TMEM184B: variants seen among roughly 807,000 people sequenced by gnomAD.
TMEM184B encodes putative MAPK-activating protein FM08.
TMEM184B carries 17 observed loss-of-function variants against 41.8 expected under a neutral mutation model. The ratio of observed to expected loss-of-function variants is 0.41; its 90% CI spans 0.28 to 0.61. TMEM184B has a LOEUF of 0.61. Among genes scored for constraint, TMEM184B ranks in the 20% least tolerant of loss-of-function variants. The pLI, the probability that TMEM184B is intolerant of heterozygous loss-of-function variation, is 0.34. For missense variants in TMEM184B, 393 were observed against 557.8 expected (o/e 0.70, Z 2.98); for synonymous variants, 240 against 229.5 (o/e 1.05, Z -0.41).
chr22:38,243,349 C>T (rs1206134175), intron 3 of TMEM184B, among the ~76,000 whole-genome samples: 1 of 152,162 alleles, frequency 6.6e-6, no homozygotes, highest in Non-Finnish European at 1.5e-5. Context: ...CTGTGTGCCC[C>T]GCCTTCTGCC....
At chr22:38,234,072 G>A (rs948988048) in intron 3 of TMEM184B, among the ~76,000 whole-genome samples, 4 of 29,434 alleles carry the variant, frequency 1.4e-4, no homozygotes, top group African/African-American at 4.7e-4. Context: ...CCCGGCCGAC[G>A]GTTGCATTTT....
rs1196899689 is a variant in TMEM184B, at chr22:38,239,783, C to A, written c.358+6152G>T. On this transcript the variant is annotated intron_variant, in intron 3 of 8. Coordinates refer to ENST00000361906, the MANE Select transcript of TMEM184B (RefSeq NM_012264.5). The surrounding 1 kb of genome is among the most constrained non-coding windows in gnomAD (Gnocchi z 4.6). ...TCTCTGCCACGCTGTACCAGTCACT[C>A]AGCCTGTGCAGTGTTTTGAGGCAGG... 2.0e-5 allele frequency among the ~76,000 whole-genome samples: 3 copies of A among 152,184 alleles called. No individual in the cohort carries two copies. The highest frequency in any genetic ancestry group is 4.4e-5 in the Non-Finnish European group (3 of 68,042).
At chr22:38,250,544 C>T (rs1056486632) in intron 1 of TMEM184B, among the ~76,000 whole-genome samples, 3 of 152,204 alleles carry the variant, frequency 2.0e-5, no homozygotes, top group African/African-American at 7.2e-5. Flanking sequence ...AACTGAAAAC[C>T]AGTGCCAGAA....
At chr22:38,249,153 GATT>G (rs746271913) in intron 1 of TMEM184B, among the ~76,000 whole-genome samples, 62 of 152,244 alleles carry the variant, frequency 4.1e-4, no homozygotes, top group Non-Finnish European at 2.4e-4. Context: ...TACTTAACTT[GATT>G]ATTATTATTT....
At chr22:38,245,814 TAAAGCAGCAAGGGG>T in intron 3 of TMEM184B, 107 bp downstream of exon 3, 1 of 1,052,048 alleles carries the variant, frequency 9.5e-7, no homozygotes, top group South Asian at 1.5e-5. Context: ...CTGTAGTAGG[TAAAGCAGCAAGGGG>T]TGTGTCAAGA....
Position 38,226,141 on chromosome 22 carries a change from G to A in TMEM184B, c.618-548C>T, listed in dbSNP as rs1055451485. On this transcript the variant is annotated intron_variant, in intron 6 of 8. Transcript: ENST00000361906. The surrounding 1 kb of genome is among the most constrained non-coding windows in gnomAD (Gnocchi z 4.6). Reference sequence around the variant, plus strand: ...GTCACCCAGGCTAGAGTGCAATGGCGTGATCTTGGCTCACCGCAACCTCTG... The same window carrying A: ...GTCACCCAGGCTAGAGTGCAATGGCATGATCTTGGCTCACCGCAACCTCTG... 8.0e-5 allele frequency among the ~76,000 whole-genome samples: 12 copies of A among 150,712 alleles called. No individual in the cohort carries two copies. The highest frequency in any genetic ancestry group is 2.4e-4 in the African/African-American group (10 of 40,822).
chr22:38,265,857 G>A (rs559537046), intron 1 of TMEM184B, among the ~76,000 whole-genome samples: 4 of 152,290 alleles, frequency 2.6e-5, no homozygotes, highest in South Asian at 4.1e-4. Flanking sequence ...TAGCTACAGC[G>A]GCGCCATGGG....
intron 1 of TMEM184B, among the ~76,000 whole-genome samples, chr22:38,259,585 G>A (rs576535875): frequency 2.6e-5 from 4 of 152,232 alleles, no homozygotes; most frequent in African/African-American, 9.6e-5. Flanking sequence ...CACAGATGGA[G>A]GTGGTCTCTA....
In TMEM184B at chr22:38,220,563, C is replaced by CA; in HGVS notation, c.*905dup. On this transcript the variant is annotated 3_prime_UTR_variant, in exon 9 of 9. Coordinates refer to ENST00000361906, the MANE Select transcript of TMEM184B (RefSeq NM_012264.5). ...GAAGCTGGTCTGAAACGTGGAGACT[C>CA]AGACCTTTCCCCTGAAACGGGAGGG... 1.0e-6 allele frequency: 1 copy of CA among 985,950 alleles called. No homozygotes were observed. The allele number at this position is 985,950 out of a possible 1,614,324, so 61.1% of individuals were successfully genotyped here.
rs2092132843 is a variant in TMEM184B at position 38,250,241 on chromosome 22, C to T, written c.-58-2222G>A. On this transcript the variant is annotated intron_variant, in intron 1 of 8. Transcript: ENST00000361906. Reference sequence around the variant, plus strand: ...TGCGCCCGCTGTCTGTCTGCACTGCCCGCCTGCACCCCGGCTCCTCGCCAA... The same window carrying T: ...TGCGCCCGCTGTCTGTCTGCACTGCTCGCCTGCACCCCGGCTCCTCGCCAA... Among the ~76,000 whole-genome samples, 8 of 152,366 alleles carry T rather than the reference C, an allele frequency of 5.3e-5. No homozygotes were observed. In the South Asian group the frequency reaches 1.7e-3, roughly 32 times the overall value.
chr22:38,235,364 C>A (rs2091747048), intron 3 of TMEM184B, among the ~76,000 whole-genome samples: 1 of 152,236 alleles, frequency 6.6e-6, no homozygotes, highest in Admixed American at 6.5e-5. Context: ...AGTCCTCTCC[C>A]AAGAAAGGCT....
At chr22:38,224,325 A>G (rs1282369289) in intron 8 of TMEM184B, among the ~76,000 whole-genome samples, 2 of 152,230 alleles carry the variant, frequency 1.3e-5, no homozygotes, top group African/African-American at 4.8e-5. Context: ...CGTGTTAGCC[A>G]GGATGGTCTC....
At chr22:38,246,726 A>G in intron 2 of TMEM184B, 1 of 1,084,308 alleles carries the variant, frequency 9.2e-7, no homozygotes, top group South Asian at 1.7e-5. Context: ...CCTCACCAGG[A>G]AGTTAGGAGA....
At chr22:38,251,708 T>C (rs965549745) in intron 1 of TMEM184B, among the ~76,000 whole-genome samples, 2 of 152,134 alleles carry the variant, frequency 1.3e-5, no homozygotes, top group African/African-American at 2.4e-5. Flanking sequence ...AAGCAGGACG[T>C]TCACCTGGCA....
chr22:38,219,064 G>A (rs1479782783), downstream of TMEM184B, among the ~76,000 whole-genome samples: 3 of 152,222 alleles, frequency 2.0e-5, no homozygotes, highest in Non-Finnish European at 4.4e-5. Flanking sequence ...GACCGCCTGC[G>A]GCCCGGCCGT....
chr22:38,226,907 A>G lies in TMEM184B; in HGVS notation c.526-37T>C. On this transcript the variant is annotated intron_variant, in intron 5 of 8. Transcript: ENST00000361906. This position sits in a 1 kb window ranked among gnomAD's most constrained non-coding sequence, Gnocchi z 4.6. The stretch of plus-strand genomic sequence containing the variant: ...AAAAGGAGGTTGAGTGTGGAGGAGG[A>G]GCACAGAAGGCATGAAGCAAGCCCT... The G allele has an allele frequency of 6.4e-7, 1 of 1,554,068 alleles. No individual in the cohort carries two copies. The highest frequency in any genetic ancestry group is 8.7e-7 in the Non-Finnish European group (1 of 1,146,856).
chr22:38,225,025 C>A lies in TMEM184B; in HGVS notation c.788-46G>T. On this transcript the variant is annotated intron_variant, in intron 7 of 8. Coordinates refer to ENST00000361906, the MANE Select transcript of TMEM184B (RefSeq NM_012264.5). This position sits in a 1 kb window ranked among gnomAD's most constrained non-coding sequence, Gnocchi z 4.4. Reference sequence around the variant, plus strand: ...GTCTGGACCCAGAATGATTCCTTTCCTGCTCCCCCTTCTTCCACAATGCCC... The same window carrying A: ...GTCTGGACCCAGAATGATTCCTTTCATGCTCCCCCTTCTTCCACAATGCCC... 6.7e-7 allele frequency: 1 copy of A among 1,490,222 alleles called. No individual in the cohort carries two copies. The allele number at this position is 1,490,222 out of a possible 1,614,324, so 92.3% of individuals were successfully genotyped here. A position where few individuals can be genotyped will look rare whatever the true frequency, so the allele number is the denominator to read the frequency against.
chr22:38,272,199 C>T (rs1278838081), intron 1 of TMEM184B, among the ~76,000 whole-genome samples: 1 of 152,216 alleles, frequency 6.6e-6, no homozygotes, highest in Non-Finnish European at 1.5e-5. Flanking sequence ...ACTGCCTTGC[C>T]TTGGCCTGGA....
At chr22:38,238,109 C>CT (rs1427880371) in intron 3 of TMEM184B, among the ~76,000 whole-genome samples, 3 of 151,704 alleles carry the variant, frequency 2.0e-5, no homozygotes, top group Non-Finnish European at 4.4e-5. Flanking sequence ...CCCCTCGCGG[C>CT]TTTTTTATCC....
Sources: gnomAD v4.1 joint callset for allele counts (sites outside exome capture counted in the v4.1 genomes callset) on GRCh38, gnomAD v4.1.1 for gene constraint, Gnocchi (gnomAD v3.1) non-coding constraint, MANE v1.5 for transcripts, NCBI Gene and HGNC (gene_info 2026-07-23, HGNC 2026-07-21) for gene names.